CTNND2: variants seen among roughly 807,000 people sequenced by gnomAD.
CTNND2 encodes the protein catenin delta-2.
In CTNND2, 22 loss-of-function variants were observed where a neutral mutation model predicts 144.4. The observed-to-expected ratio is 0.15, with a 90% confidence interval of 0.11 to 0.22. CTNND2 has a LOEUF of 0.22. Ranked by LOEUF, CTNND2 falls within the 10% of genes least tolerant of loss-of-function variation. CTNND2 has a pLI of 1.00. For missense variants in CTNND2, 1,353 were observed against 1,618.8 expected, an observed-to-expected ratio of 0.84 and a Z score of 2.82; for synonymous variants, 751 against 695.6, an observed-to-expected ratio of 1.08 and a Z score of -1.25.
chr5:11,810,306 G>C (rs975949800), intron 1 of CTNND2, among the ~76,000 whole-genome samples: 1 of 152,118 alleles, frequency 6.6e-6, no homozygotes, highest in Non-Finnish European at 1.5e-5. Context: ...CTGTGACACA[G>C]ACCTTGAAAA....
intron 2 of CTNND2, among the ~76,000 whole-genome samples, chr5:11,572,014 T>G (rs542047680): frequency 6.6e-6 from 1 of 152,322 alleles, no homozygotes; most frequent in African/African-American, 2.4e-5. Flanking sequence ...TTATAACCCC[T>G]TTTAAAAGTC....
intron 1 of CTNND2, among the ~76,000 whole-genome samples, chr5:11,831,834 A>G (rs547133135): frequency 1.8e-3 from 281 of 152,298 alleles, no homozygotes; most frequent in Middle Eastern, 3.4e-3. Flanking sequence ...AGAACCTCAT[A>G]TCACTTCCAA....
At chr5:11,431,103 G>A in intron 3 of CTNND2, among the ~76,000 whole-genome samples, 1 of 152,148 alleles carries the variant, frequency 6.6e-6, no homozygotes, top group East Asian at 1.9e-4. Context: ...CTTTACTGAG[G>A]TTATATCATT....
At chr5:11,036,521 A>T (rs1167363373) in intron 16 of CTNND2, among the ~76,000 whole-genome samples, 8 of 152,074 alleles carry the variant, frequency 5.3e-5, no homozygotes. Context: ...CCTGCGTTCA[A>T]ACAATTCTCC....
chr5:11,617,906 C>T (rs16901801), intron 2 of CTNND2, among the ~76,000 whole-genome samples: 1 of 152,108 alleles, frequency 6.6e-6, no homozygotes, highest in East Asian at 1.9e-4. Flanking sequence ...TGACTGCCCA[C>T]ATTTTATGGA....
At chr5:11,625,186 C>T (rs527519975) in intron 2 of CTNND2, among the ~76,000 whole-genome samples, 2 of 152,186 alleles carry the variant, frequency 1.3e-5, no homozygotes, top group Non-Finnish European at 2.9e-5. Flanking sequence ...TTCTAATCTT[C>T]ATAGGAAAAT....
At chr5:11,417,233 G>C (rs1418747274) in intron 3 of CTNND2, among the ~76,000 whole-genome samples, 1 of 152,172 alleles carries the variant, frequency 6.6e-6, no homozygotes, top group Non-Finnish European at 1.5e-5. Context: ...CCAGTTAGTA[G>C]AGAAGCCAGG....
intron 3 of CTNND2, among the ~76,000 whole-genome samples, chr5:11,419,880 A>T (rs780638217): frequency 1.2e-4 from 19 of 152,204 alleles, no homozygotes; most frequent in Non-Finnish European, 1.5e-4. Context: ...ATCAGTCTCC[A>T]CATTGTATCA....
At chr5:11,577,523 T>A (rs1778062756) in intron 2 of CTNND2, among the ~76,000 whole-genome samples, 1 of 152,144 alleles carries the variant, frequency 6.6e-6, no homozygotes, top group African/African-American at 2.4e-5. Flanking sequence ...CAATGGGAGA[T>A]TATTATTTGA....
intron 12 of CTNND2, among the ~76,000 whole-genome samples, chr5:11,153,206 G>A (rs1398704395): frequency 6.6e-6 from 1 of 152,044 alleles, no homozygotes; most frequent in Non-Finnish European, 1.5e-5. Context: ...AGGTTGCAGT[G>A]AGCCGAGATC....
intron 8 of CTNND2, among the ~76,000 whole-genome samples, chr5:11,356,660 T>G (rs1755910545): frequency 6.6e-6 from 1 of 151,814 alleles, no homozygotes; most frequent in Non-Finnish European, 1.5e-5. Context: ...AAATAAGACC[T>G]CAAATGCACA....
At chr5:11,898,399 A>G (rs1737576197) in intron 1 of CTNND2, among the ~76,000 whole-genome samples, 1 of 152,240 alleles carries the variant, frequency 6.6e-6, no homozygotes, top group Non-Finnish European at 1.5e-5. Flanking sequence ...TTTCTAAACC[A>G]AAAGAAAGAA....
chr5:11,217,015 C>G (rs910938370), intron 10 of CTNND2, among the ~76,000 whole-genome samples: 2 of 152,302 alleles, frequency 1.3e-5, no homozygotes, highest in East Asian at 3.9e-4. Context: ...TCAATGTGTG[C>G]TGTGCACACA....
chr5:11,517,238 T>C lies in CTNND2; in HGVS notation c.287+47706A>G, dbSNP rs561502142. 1.4e-3 allele frequency among the ~76,000 whole-genome samples: 208 copies of C among 152,342 alleles called. 1 individual carries two copies. In the South Asian group the frequency reaches 0.042, roughly 31 times the overall value. On this transcript the variant is annotated intron_variant, in intron 3 of 21. Coordinates refer to ENST00000304623, the MANE Select transcript of CTNND2 (RefSeq NM_001332.4). Reference sequence around the variant, plus strand: ...GGCTTAATTTGGCCTTCCATAACTTTACATCTATTTTAACTACTCTGCTAC... The same window carrying C: ...GGCTTAATTTGGCCTTCCATAACTTCACATCTATTTTAACTACTCTGCTAC...
chr5:11,011,645 C>T (rs1741094824), intron 18 of CTNND2, among the ~76,000 whole-genome samples: 1 of 152,318 alleles, frequency 6.6e-6, no homozygotes, highest in Admixed American at 6.5e-5. Flanking sequence ...TCATCTACCA[C>T]TTTAACAACA....
chr5:11,605,672 T>G (rs575013895), intron 2 of CTNND2, among the ~76,000 whole-genome samples: 1 of 152,152 alleles, frequency 6.6e-6, no homozygotes, highest in African/African-American at 2.4e-5. Flanking sequence ...TGAAATGCCA[T>G]GGTTCATAAA....
chr5:11,600,326 A>G (rs181714016), intron 2 of CTNND2, among the ~76,000 whole-genome samples: 22 of 152,340 alleles, frequency 1.4e-4, no homozygotes, highest in Admixed American at 9.8e-4. Flanking sequence ...ATTTTGTATT[A>G]TATGTATCAA....
chr5:11,049,994 G>A (rs1745667698), intron 16 of CTNND2, among the ~76,000 whole-genome samples: 1 of 152,200 alleles, frequency 6.6e-6, no homozygotes, highest in African/African-American at 2.4e-5. Flanking sequence ...ACCAATTTCA[G>A]TGAAGGAGTC....
intron 2 of CTNND2, among the ~76,000 whole-genome samples, chr5:11,642,461 G>C (rs1361173982): frequency 6.6e-6 from 1 of 152,190 alleles, no homozygotes; most frequent in African/African-American, 2.4e-5. Flanking sequence ...AGGAGATGAT[G>C]AAGCCAGCAG....
Sources: allele counts gnomAD v4.1 joint callset (sites outside exome capture counted in the v4.1 genomes callset), GRCh38; gene constraint gnomAD v4.1.1; transcripts MANE v1.5; gene names NCBI Gene and HGNC (gene_info 2026-07-23, HGNC 2026-07-21).